FILIP1: variants seen among roughly 807,000 people sequenced by gnomAD.
The protein encoded by FILIP1 is filamin-A-interacting protein 1.
In FILIP1, 61 loss-of-function variants were observed where a neutral mutation model predicts 102.1. The observed-to-expected ratio is 0.60, with a 90% CI of 0.49 to 0.74. The LOEUF (loss-of-function observed/expected upper bound fraction) is 0.74. Ranked by LOEUF, FILIP1 falls within the 30% of genes least tolerant of loss-of-function variation. The probability of loss-of-function intolerance (pLI) is 0.00; values close to 1 mark genes in which losing one functional copy is unlikely to be tolerated. For missense variants in FILIP1, 1,314 were observed against 1,441.2 expected (o/e 0.91, Z 1.43); for synonymous variants, 491 against 526.9 (o/e 0.93, Z 0.93).
chr6:75,401,999 G>A (rs1490880467), intron 2 of FILIP1, among the ~76,000 whole-genome samples: 1 of 152,114 alleles, frequency 6.6e-6, no homozygotes, highest in East Asian at 1.9e-4. Flanking sequence ...CATTTAGGGG[G>A]AAATCTCCAT....
intron 2 of FILIP1, among the ~76,000 whole-genome samples, chr6:75,376,473 A>G (rs1341249820): frequency 2.6e-5 from 4 of 152,192 alleles, no homozygotes; most frequent in African/African-American, 9.6e-5. Context: ...TCTTTTGTTT[A>G]CTACAGCTAT....
chr6:75,464,648 T>A (rs749912880), intron 1 of FILIP1, among the ~76,000 whole-genome samples: 39 of 152,348 alleles, frequency 2.6e-4, no homozygotes, highest in Non-Finnish European at 5.4e-4. Flanking sequence ...TGCTTACCTG[T>A]TAGTAACCCT....
At chr6:75,365,022 T>C (rs961373732) in intron 2 of FILIP1, among the ~76,000 whole-genome samples, 4 of 152,228 alleles carry the variant, frequency 2.6e-5, no homozygotes, top group Admixed American at 2.6e-4. Flanking sequence ...ACATTTAAAG[T>C]GAAAAAATGG....
intron 4 of FILIP1, among the ~76,000 whole-genome samples, chr6:75,325,731 T>TA (rs201994591): frequency 1.5e-5 from 1 of 65,676 alleles, no homozygotes; most frequent in Non-Finnish European, 2.9e-5. Context: ...AATTAAAAAA[T>TA]AAAAAAAAAT....
At chr6:75,457,218 C>T (rs1778866805) in intron 1 of FILIP1, among the ~76,000 whole-genome samples, 1 of 152,144 alleles carries the variant, frequency 6.6e-6, no homozygotes, top group Non-Finnish European at 1.5e-5. Flanking sequence ...ACCCTAAATT[C>T]GTCAGATGAG....
At chr6:75,295,403 GC>G (rs1772643341) in exon 7 of FILIP1, 1 of 152,098 alleles carries the variant, frequency 6.6e-6, no homozygotes, top group Admixed American at 6.5e-5. Context: ...AGAGTCTCCT[GC>G]TTCTAAGTTT....
At chr6:75,372,615 G>GAA (rs1775561201) in intron 2 of FILIP1, among the ~76,000 whole-genome samples, 1 of 91,874 alleles carries the variant, frequency 1.1e-5, no homozygotes, top group African/African-American at 4.1e-5. Context: ...AAGAAAGAAA[G>GAA]AAAGAAAAAG....
At chr6:75,430,696 A>C (rs1306148631) in intron 1 of FILIP1, among the ~76,000 whole-genome samples, 1 of 152,234 alleles carries the variant, frequency 6.6e-6, no homozygotes, top group African/African-American at 2.4e-5. Flanking sequence ...TTCCCAAATT[A>C]GTGGCAGTCT....
At chr6:75,418,193 G>A (rs1296947400) in intron 1 of FILIP1, among the ~76,000 whole-genome samples, 5 of 152,102 alleles carry the variant, frequency 3.3e-5, no homozygotes, top group Admixed American at 6.6e-5. Flanking sequence ...GCAAGACTCC[G>A]TCTCAAAAAA....
chr6:75,372,992 T>C (rs962851142), intron 2 of FILIP1, among the ~76,000 whole-genome samples: 1 of 152,198 alleles, frequency 6.6e-6, no homozygotes, highest in Admixed American at 6.5e-5. Context: ...CTCATGTTCA[T>C]AGTAATATTA....
At chr6:75,389,082 G>T (rs535054824) in intron 2 of FILIP1, among the ~76,000 whole-genome samples, 1 of 152,202 alleles carries the variant, frequency 6.6e-6, no homozygotes, top group Non-Finnish European at 1.5e-5. Context: ...TAGCATGAAG[G>T]GCTGTTGAAA....
intron 3 of FILIP1, among the ~76,000 whole-genome samples, chr6:75,354,926 T>C (rs1433654526): frequency 6.6e-6 from 1 of 152,234 alleles, no homozygotes; most frequent in Non-Finnish European, 1.5e-5. Context: ...TCCTCTTTTT[T>C]TCAAGAGATG....
chr6:75,342,851 G>A (rs921357448), intron 4 of FILIP1, among the ~76,000 whole-genome samples: 2 of 152,166 alleles, frequency 1.3e-5, no homozygotes, highest in African/African-American at 2.4e-5. Context: ...AGAGTGGCAG[G>A]AAACTGAGGC....
rs1562468874 is a variant in FILIP1 at position 75,331,756 on chromosome 6, CCCTT to C, written c.630-16558_630-16555del. ...CTCCCATTCCTTCACTAGTCAGGCA[CCCTT>C]GTACACTACACCTTGTAAGCTACAA... On this transcript the variant is annotated intron_variant, in intron 4 of 5. Transcript: ENST00000237172. Among the ~76,000 whole-genome samples, 21 of 151,934 alleles carry C rather than the reference CCCTT, an allele frequency of 1.4e-4. 1 individual carries two copies. In the East Asian group the frequency reaches 3.5e-3, roughly 25 times the overall value.
rs972588280 is a variant in FILIP1 at position 75,314,344 on chromosome 6, A to C, written c.1488T>G (p.Asp496Glu). ...RLEKAELSLK[D>E]DLTKLKSFTV... is the part of the protein sequence containing the mutation. ...TAAATGACTTCAACTTGGTAAGATCATCTTTTAGGCTTAATTCAGCCTTTT... is the reference window on the plus strand; with the variant it reads ...TAAATGACTTCAACTTGGTAAGATCCTCTTTTAGGCTTAATTCAGCCTTTT... The change falls in exon 5 of 6, where the codon GAT becomes GAG. Residue 496 changes from aspartate (D) to glutamate (E), a missense_variant. Around this residue, in one of 3 missense-constraint regions of FILIP1, gnomAD observed 816 missense variants for 913.1 expected, o/e 0.89. Coordinates refer to ENST00000237172, the MANE Select transcript of FILIP1 (RefSeq NM_015687.5). 3.3e-6 allele frequency: 5 copies of C among 1,518,722 alleles called. No individual in the cohort carries two copies. The Admixed American group carries it at 7.4e-5, about 22-fold the overall frequency. 94.1% of individuals were successfully genotyped at this position (1,518,722 alleles called of 1,614,324 possible).
exon 7 of FILIP1, chr6:75,293,872 C>A (rs1314490786): frequency 1.3e-5 from 2 of 152,070 alleles, no homozygotes; most frequent in African/African-American, 4.8e-5. Flanking sequence ...AACTAAAACA[C>A]TTTTCTAATT....
chr6:75,486,354 G>A (rs2149784814), intron 1 of FILIP1, among the ~76,000 whole-genome samples: 1 of 152,256 alleles, frequency 6.6e-6, no homozygotes, highest in African/African-American at 2.4e-5. Flanking sequence ...CCCAGGCCTA[G>A]CTCATCCAGG....
chr6:75,371,850 T>C (rs928450481), intron 2 of FILIP1, among the ~76,000 whole-genome samples: 1 of 152,190 alleles, frequency 6.6e-6, no homozygotes, highest in Non-Finnish European at 1.5e-5. Context: ...GCTAAAACTA[T>C]AAAACTCTTA....
At chr6:75,468,726 A>C (rs569609705) in intron 1 of FILIP1, among the ~76,000 whole-genome samples, 51 of 152,304 alleles carry the variant, frequency 3.3e-4, no homozygotes, top group African/African-American at 1.2e-3. Flanking sequence ...GTTTAGTCAC[A>C]ATTTAAGGTC....
Sources: gnomAD v4.1 joint callset for allele counts (sites outside exome capture counted in the v4.1 genomes callset) on GRCh38, gnomAD v4.1.1 for gene constraint, gnomAD v4.1.1 regional missense constraint, MANE v1.5 for transcripts, NCBI Gene and HGNC (gene_info 2026-07-23, HGNC 2026-07-21) for gene names.